Variants in CAPN3 observed in about 807,000 individuals in gnomAD.
CAPN3 encodes calpain 3.
A neutral mutation model predicts 114.0 loss-of-function variants in CAPN3; 88 were observed. That is an observed-to-expected ratio of 0.77 (90% CI 0.65 to 0.92). CAPN3 has a LOEUF of 0.92. Among genes scored for constraint, CAPN3 ranks in the 40% least tolerant of loss-of-function variants. The probability of loss-of-function intolerance (pLI) is 0.00; values close to 1 mark genes in which losing one functional copy is unlikely to be tolerated. For synonymous variants in CAPN3, 386 were observed against 382.9 expected, an observed-to-expected ratio of 1.01 and a Z score of -0.09; for missense variants, 1,028 against 1,069.0, an observed-to-expected ratio of 0.96 and a Z score of 0.53.
chr15:42,379,802 T>C (rs192977673), intron 1 of CAPN3, among the ~76,000 whole-genome samples: 2 of 152,332 alleles, frequency 1.3e-5, no homozygotes, highest in African/African-American at 2.4e-5. Context: ...TCCTTCTTTA[T>C]CTATGAGTTT....
intron 1 of CAPN3, among the ~76,000 whole-genome samples, chr15:42,371,761 C>A (rs1595805128): frequency 6.6e-6 from 1 of 152,134 alleles, no homozygotes; most frequent in Non-Finnish European, 1.5e-5. Flanking sequence ...GTCAGGAGTT[C>A]GAGACCAGCC....
At chr15:42,397,951 G>A (rs1042911156) in intron 9 of CAPN3, among the ~76,000 whole-genome samples, 2 of 152,040 alleles carry the variant, frequency 1.3e-5, no homozygotes, top group East Asian at 3.9e-4. Flanking sequence ...AGCCCAGGAG[G>A]TTGAGGCTGC....
chr15:42,409,105 G>A, intron 16 of CAPN3, 198 bp from the exon 17 acceptor site: 1 of 622,586 alleles, frequency 1.6e-6, no homozygotes, highest in South Asian at 1.9e-5. Context: ...GGGGCGTCAG[G>A]GCTGGAGAGG....
Position 42,411,341 on chromosome 15 carries a change from T to C in CAPN3, c.2435T>C (p.Leu812Pro), listed in dbSNP as rs1261440115. ...DGDGIIKLNV[L>P]EWLQLTMYA ...GATGGTATCATCAAGCTCAACGTTC[T>C]GGAGGTAAAGCATAGGCACAGCACA... The change falls in exon 23 of 24, where the codon CTG (leucine) becomes CCG (proline). Residue 812 changes from leucine (L) to proline (P), a missense_variant. Leu to Pro is a moderately conservative substitution (Grantham distance 98). Coordinates refer to ENST00000397163, the MANE Select transcript of CAPN3 (RefSeq NM_000070.3). 1 of 1,613,916 alleles carries C rather than the reference T, an allele frequency of 6.2e-7. No individual in the cohort carries two copies. Among genetic ancestry groups the C allele is most frequent in the South Asian group, 1.1e-5 (1 of 91,072 alleles).
chr15:42,359,818 A>G lies in CAPN3; in HGVS notation c.13A>G (p.Ile5Val), dbSNP rs1265909242. 3 of 1,613,816 alleles carry G rather than the reference A, an allele frequency of 1.9e-6. No homozygotes were observed. The highest frequency in any genetic ancestry group is 1.7e-5 in the Admixed American group (1 of 60,024). The part of the protein sequence containing the change: MPTV[I>V]SASVAPRTAA... Reference sequence around the variant, plus strand: ...AAAGCCACTTGCCATGCCGACCGTCATTAGCGCATCTGTGGCTCCAAGGAC... The same window carrying G: ...AAAGCCACTTGCCATGCCGACCGTCGTTAGCGCATCTGTGGCTCCAAGGAC... Residue 5 changes from isoleucine to valine, a missense_variant, in exon 1 of 24, where the codon ATT (isoleucine) becomes GTT (valine). Ile to Val is a conservative substitution (Grantham distance 29, BLOSUM62 3). Coordinates refer to ENST00000397163, the MANE Select transcript of CAPN3 (RefSeq NM_000070.3).
intron 22 of CAPN3, 101 bp downstream of exon 22, chr15:42,411,101 C>G: frequency 8.9e-7 from 1 of 1,128,206 alleles, no homozygotes; most frequent in Non-Finnish European, 1.4e-6. Flanking sequence ...CCAGGCTGAA[C>G]AAGGGCCAAT....
chr15:42,411,426 T>C, intron 23 of CAPN3, 81 bp downstream of exon 23: 1 of 1,250,708 alleles, frequency 8.0e-7, no homozygotes, highest in East Asian at 2.3e-5. Context: ...GGACCCAGGG[T>C]GTGCTCCTCA....
chr15:42,384,510 A>T lies in CAPN3; in HGVS notation c.337A>T (p.Ile113Phe). Residue 113 changes from isoleucine to phenylalanine, a missense_variant, in exon 2 of 24, where the codon ATT (isoleucine) becomes TTT (phenylalanine). Physicochemically the swap from Ile to Phe is conservative, Grantham distance 21. Coordinates refer to ENST00000397163, the MANE Select transcript of CAPN3 (RefSeq NM_000070.3). ...AATTTGCGAGAATCCCCGATTTATCATTGATGGAGCCAACAGAACTGACAT... is the reference window on the plus strand; with the variant it reads ...AATTTGCGAGAATCCCCGATTTATCTTTGATGGAGCCAACAGAACTGACAT... ...PEICENPRFI[I>F]DGANRTDICQ... is the part of the protein sequence containing the mutation. 1.2e-6 allele frequency: 2 copies of T among 1,614,010 alleles called. No individual in the cohort carries two copies. Among genetic ancestry groups the T allele is most frequent in the South Asian group, 1.1e-5 (1 of 91,084 alleles).
Position 42,411,331 on chromosome 15 carries a change from C to T in CAPN3, c.2425C>T (p.Leu809Phe). ...FDKDGDGIIK[L>F]NVLEWLQLTM... Reference sequence around the variant, plus strand: ...CAAGGATGGAGATGGTATCATCAAGCTCAACGTTCTGGAGGTAAAGCATAG... The same window carrying T: ...CAAGGATGGAGATGGTATCATCAAGTTCAACGTTCTGGAGGTAAAGCATAG... The change falls in exon 23 of 24, where the codon CTC becomes TTC. Residue 809 changes from leucine (L) to phenylalanine (F), a missense_variant. Leu to Phe is a conservative substitution (Grantham distance 22). Coordinates refer to ENST00000397163, the MANE Select transcript of CAPN3 (RefSeq NM_000070.3). 9 of 1,614,048 alleles carry T rather than the reference C, an allele frequency of 5.6e-6. No individual in the cohort carries two copies. The highest frequency in any genetic ancestry group is 7.6e-6 in the Non-Finnish European group (9 of 1,179,926).
intron 8 of CAPN3, 139 bp from the exon 9 acceptor site, chr15:42,396,661 C>A: frequency 1.4e-6 from 1 of 702,058 alleles, no homozygotes; most frequent in South Asian, 1.6e-5. Flanking sequence ...GGGTTTCACA[C>A]TGAGGTTAAC....
chr15:42,385,622 A>G (rs1282538513), intron 2 of CAPN3: 7 of 513,752 alleles, frequency 1.4e-5, no homozygotes, highest in African/African-American at 5.8e-5. Flanking sequence ...GGTTCAGAGA[A>G]TAAGAAAACG....
In CAPN3 at chr15:42,368,358, C is replaced by T. The variant is rs142207597; in HGVS notation, c.309+8244C>T. On this transcript the variant is annotated intron_variant, in intron 1 of 23. Coordinates refer to ENST00000397163, the MANE Select transcript of CAPN3 (RefSeq NM_000070.3). ...TTATTGGTGACCTCCAAGCATAGTG[C>T]TGAAATGCTGTCTAGCATTCTAGGA... 1.8e-3 allele frequency among the ~76,000 whole-genome samples: 280 copies of T among 152,296 alleles called. 2 individuals carry two copies. Among genetic ancestry groups the T allele is most frequent in the African/African-American group, 6.4e-3 (265 of 41,572 alleles).
intron 1 of CAPN3, among the ~76,000 whole-genome samples, chr15:42,361,156 T>C (rs1169290039): frequency 6.6e-6 from 1 of 152,166 alleles, no homozygotes; most frequent in East Asian, 1.9e-4. Flanking sequence ...TACTATTGAT[T>C]AGCCATGGTT....
chr15:42,380,020 A>G (rs2053194456), intron 1 of CAPN3, among the ~76,000 whole-genome samples: 1 of 152,164 alleles, frequency 6.6e-6, no homozygotes, highest in Admixed American at 6.5e-5. Context: ...GGATGCTGAG[A>G]TGGGAGAATT....
chr15:42,376,825 T>A (rs1318036589), intron 1 of CAPN3, among the ~76,000 whole-genome samples: 3 of 152,216 alleles, frequency 2.0e-5, no homozygotes, highest in Admixed American at 2.0e-4. Context: ...TGTATAACCA[T>A]CTCACATATC....
chr15:42,410,711 G>A lies in CAPN3; in HGVS notation c.2263+45G>A. ...GGCAGGGATGTGGACCCGAGACGGT[G>A]GGAGCAGGAATGGGAGGGGACTAGG... On this transcript the variant is annotated intron_variant, in intron 21 of 23. Transcript: ENST00000397163. 3 of 1,542,452 alleles carry A rather than the reference G, an allele frequency of 1.9e-6. No homozygotes were observed. The South Asian group carries it at 3.4e-5, about 17-fold the overall frequency.
At chr15:42,401,980 T>C in intron 11 of CAPN3, 144 bp from the exon 12 acceptor site, 2 of 1,309,530 alleles carry the variant, frequency 1.5e-6, no homozygotes, top group South Asian at 1.2e-5. Flanking sequence ...GGGGGGGCAT[T>C]AGAGAGGCAG....
Position 42,405,957 on chromosome 15 carries a change from TAG to T in CAPN3, c.1800+19_1800+20del, listed in dbSNP as rs780448779. On this transcript the variant is annotated intron_variant, in intron 15 of 23. Coordinates refer to ENST00000397163, the MANE Select transcript of CAPN3 (RefSeq NM_000070.3). ...AAAAAAACCAAGGTAGGTGTGTGGG[TAG>T]AGAGCATGAAGTGTGTGTACTCATG... 1 of 1,609,848 alleles carries T rather than the reference TAG, an allele frequency of 6.2e-7. No individual in the cohort carries two copies.
intron 1 of CAPN3, among the ~76,000 whole-genome samples, chr15:42,382,695 T>A (rs1404840331): frequency 6.6e-6 from 1 of 152,134 alleles, no homozygotes; most frequent in Non-Finnish European, 1.5e-5. Flanking sequence ...ATGGTTCATA[T>A]TTCTTAGTAT....
Sources: gnomAD v4.1 joint callset for allele counts (sites outside exome capture counted in the v4.1 genomes callset) on GRCh38, gnomAD v4.1.1 for gene constraint, MANE v1.5 for transcripts, NCBI Gene and HGNC (gene_info 2026-07-23, HGNC 2026-07-21) for gene names.